TLK2: variants seen among roughly 807,000 people sequenced by gnomAD.
The protein encoded by TLK2 is serine/threonine-protein kinase tousled-like 2.
A neutral mutation model predicts 117.3 loss-of-function variants in TLK2; 6 were observed. That is an observed-to-expected ratio of 0.05 (90% CI 0.03 to 0.10). The LOEUF (loss-of-function observed/expected upper bound fraction) is 0.10, where lower values mean the gene tolerates loss of function less well. Ranked by LOEUF, TLK2 falls within the 10% of genes least tolerant of loss-of-function variation. The pLI is 1.00. For synonymous variants in TLK2, 257 were observed against 316.7 expected, an observed-to-expected ratio of 0.81 and a Z score of 2.00; for missense variants, 299 against 901.2, an observed-to-expected ratio of 0.33 and a Z score of 8.56.
intron 16 of TLK2, among the ~76,000 whole-genome samples, chr17:62,588,646 G>A (rs2081838884): frequency 6.6e-6 from 1 of 151,870 alleles, no homozygotes; most frequent in South Asian, 2.1e-4. Flanking sequence ...GCAGCTGGGG[G>A]GAGTTCTTTT....
intron 21 of TLK2, among the ~76,000 whole-genome samples, chr17:62,610,249 A>G (rs1174485329): frequency 1.3e-5 from 2 of 152,224 alleles, no homozygotes; most frequent in African/African-American, 4.8e-5. Flanking sequence ...GTTTCTGTGC[A>G]TTATCTCCTG....
Position 62,560,739 on chromosome 17 carries a change from C to T in TLK2, c.831+613C>T, listed in dbSNP as rs569417477. ...CATGATCTCAGCACACTGTAGCCTT[C>T]GCCTCCCAGATTCAAGCAATTCTCC... On this transcript the variant is annotated intron_variant, in intron 10 of 21. Coordinates refer to ENST00000346027, the MANE Select transcript of TLK2 (RefSeq NM_006852.6). Among the ~76,000 whole-genome samples the T allele has an allele frequency of 7.3e-5, 11 of 149,816 alleles. No homozygotes were observed. In the East Asian group the frequency reaches 1.4e-3, roughly 19 times the overall value.
At chr17:62,549,753 A>G (rs1379002816) in intron 7 of TLK2, 1 of 151,566 alleles carries the variant, frequency 6.6e-6, no homozygotes, top group Non-Finnish European at 1.5e-5. Flanking sequence ...GGCTCAAGCA[A>G]TTCTCATGCC....
At chr17:62,492,172 C>T (rs1195032536) in intron 2 of TLK2, among the ~76,000 whole-genome samples, 3 of 152,030 alleles carry the variant, frequency 2.0e-5, no homozygotes, top group Non-Finnish European at 4.4e-5. Flanking sequence ...AAATATAAAC[C>T]TTCAGGAACA....
chr17:62,591,058 T>A (rs1320675051), intron 16 of TLK2, among the ~76,000 whole-genome samples: 4 of 152,128 alleles, frequency 2.6e-5, no homozygotes, highest in Non-Finnish European at 5.9e-5. Flanking sequence ...GAGACCAGCC[T>A]GGCCAATATG....
At chr17:62,574,451 A>G in intron 12 of TLK2, 1 of 913,644 alleles carries the variant, frequency 1.1e-6, no homozygotes, top group South Asian at 1.5e-5. Context: ...TACATTAAGT[A>G]TAGCGATAAA....
intron 17 of TLK2, among the ~76,000 whole-genome samples, chr17:62,599,536 G>C (rs757013882): frequency 1.3e-5 from 2 of 152,120 alleles, no homozygotes; most frequent in Non-Finnish European, 2.9e-5. Flanking sequence ...ATGGGAGGGG[G>C]TCTCCACCTC....
At chr17:62,543,773 G>C (rs538904283) in intron 7 of TLK2, among the ~76,000 whole-genome samples, 2 of 152,038 alleles carry the variant, frequency 1.3e-5, no homozygotes, top group Non-Finnish European at 2.9e-5. Context: ...TTTCTATTCT[G>C]TGGGTGGTCA....
intron 11 of TLK2, among the ~76,000 whole-genome samples, chr17:62,570,356 T>C (rs899795258): frequency 6.6e-6 from 1 of 152,172 alleles, no homozygotes; most frequent in African/African-American, 2.4e-5. Flanking sequence ...AGAAATAGCC[T>C]CTTGCTATGG....
At chr17:62,477,046 G>A (rs1373883908), upstream of TLK2, among the ~76,000 whole-genome samples, 1 of 151,714 alleles carries the variant, frequency 6.6e-6, no homozygotes, top group Admixed American at 6.6e-5. Flanking sequence ...AGCCAAGATC[G>A]CACCACTGCA....
intron 2 of TLK2, among the ~76,000 whole-genome samples, chr17:62,491,972 G>C (rs754745260): frequency 6.6e-6 from 1 of 152,166 alleles, no homozygotes; most frequent in Non-Finnish European, 1.5e-5. Flanking sequence ...TTTGATACTA[G>C]AATCTGCTAA....
At chr17:62,559,886 A>C (rs1368505733) in intron 9 of TLK2, 130 bp from the exon 10 acceptor site, 3 of 532,168 alleles carry the variant, frequency 5.6e-6, no homozygotes, top group African/African-American at 3.9e-5. Flanking sequence ...GTTACTTCTT[A>C]CCTGTTTGAA....
upstream of TLK2, among the ~76,000 whole-genome samples, chr17:62,477,232 G>C (rs1248770362): frequency 6.6e-6 from 1 of 152,198 alleles, no homozygotes; most frequent in African/African-American, 2.4e-5. Flanking sequence ...CTAACAGGCA[G>C]TGGAGGCTGG....
chr17:62,598,198 C>G (rs1023765805), intron 17 of TLK2, among the ~76,000 whole-genome samples: 3 of 152,158 alleles, frequency 2.0e-5, no homozygotes, highest in African/African-American at 7.2e-5. Context: ...AGGGGCGGGG[C>G]ATGACATTAC....
At chr17:62,581,242 A>G (rs376162623) in intron 15 of TLK2, among the ~76,000 whole-genome samples, 66 of 152,096 alleles carry the variant, frequency 4.3e-4, no homozygotes, top group Admixed American at 8.5e-4. Context: ...GGCTCAAGCA[A>G]TCCTCCTGCC....
intron 2 of TLK2, among the ~76,000 whole-genome samples, chr17:62,507,616 A>G (rs1257422394): frequency 8.5e-5 from 13 of 152,198 alleles, no homozygotes; most frequent in African/African-American, 3.1e-4. Flanking sequence ...CCTTTTAAGC[A>G]GCCAATTTGG....
rs557662005 is a variant in TLK2 at position 62,574,769 on chromosome 17, G to A, written c.1121+1402G>A. Among the ~76,000 whole-genome samples, 8 of 152,156 alleles carry A rather than the reference G, an allele frequency of 5.3e-5. No homozygotes were observed. In the South Asian group the frequency reaches 1.2e-3, roughly 24 times the overall value. The stretch of plus-strand genomic sequence containing the variant: ...GACCTCAAATGATCCACCCTCCTCG[G>A]CCTCCCAAAGTGCTGGGATTACAGG... On this transcript the variant is annotated intron_variant, in intron 12 of 21. Coordinates refer to ENST00000346027, the MANE Select transcript of TLK2 (RefSeq NM_006852.6).
chr17:62,564,873 A>T (rs747419037), intron 10 of TLK2, 128 bp from the exon 11 acceptor site: 10 of 1,197,868 alleles, frequency 8.3e-6, no homozygotes, highest in Admixed American at 6.2e-5. Flanking sequence ...GTCATTACTG[A>T]CTGTTCTGAG....
chr17:62,544,887 A>G (rs1292076266), intron 7 of TLK2, among the ~76,000 whole-genome samples: 2 of 152,358 alleles, frequency 1.3e-5, no homozygotes, highest in East Asian at 1.9e-4. Flanking sequence ...ATGTTTTGCA[A>G]CTTGCAATAT....
Sources: gnomAD v4.1 joint callset for allele counts (sites outside exome capture counted in the v4.1 genomes callset) on GRCh38, gnomAD v4.1.1 for gene constraint, MANE v1.5 for transcripts, NCBI Gene and HGNC (gene_info 2026-07-23, HGNC 2026-07-21) for gene names.